The following WDR41 variants were observed in gnomAD, a reference collection of about 807,000 sequenced individuals.
WDR41 encodes WD repeat domain 41.
A neutral mutation model predicts 69.3 loss-of-function variants in WDR41; 63 were observed. The ratio of observed to expected loss-of-function variants is 0.91; its 90% confidence interval spans 0.74 to 1.12. The LOEUF (loss-of-function observed/expected upper bound fraction) is 1.12, where lower values mean the gene tolerates loss of function less well. WDR41 is among the 50% of genes most tolerant of loss of function. The probability of loss-of-function intolerance (pLI) is 0.00; values close to 1 mark genes in which losing one functional copy is unlikely to be tolerated. For missense variants in WDR41, 543 were observed against 534.5 expected, an observed-to-expected ratio of 1.02 and a Z score of -0.16; for synonymous variants, 185 against 192.1, an observed-to-expected ratio of 0.96 and a Z score of 0.31.
chr5:77,488,408 C>T (rs1379331710), intron 2 of WDR41, among the ~76,000 whole-genome samples: 2 of 151,360 alleles, frequency 1.3e-5, no homozygotes, highest in African/African-American at 4.9e-5. Flanking sequence ...GCCCACCAGC[C>T]TGGGCAACAT....
intron 9 of WDR41, among the ~76,000 whole-genome samples, chr5:77,440,348 C>A (rs1247194853): frequency 6.6e-6 from 1 of 152,154 alleles, no homozygotes; most frequent in African/African-American, 2.4e-5. Context: ...ATCTAAAGTG[C>A]TTCAAGAGCA....
intron 2 of WDR41, among the ~76,000 whole-genome samples, chr5:77,482,977 G>T (rs1801347895): frequency 6.6e-6 from 1 of 151,798 alleles, no homozygotes; most frequent in South Asian, 2.1e-4. Flanking sequence ...GGCACCAAGA[G>T]TTTACACAAA....
rs181956313 is a variant in WDR41 at position 77,550,890 on chromosome 5, A to G, written c.43-61318T>C. On this transcript the variant is annotated intron_variant, in intron 1 of 5. Transcript: ENST00000509971. Reference sequence around the variant, plus strand: ...AAATATAGTACATGTATACCATGGAATACTATGCAGCCATATAAAGGAATA... The same window carrying G: ...AAATATAGTACATGTATACCATGGAGTACTATGCAGCCATATAAAGGAATA... 1.5e-3 allele frequency among the ~76,000 whole-genome samples: 222 copies of G among 152,332 alleles called. 3 individuals are homozygous for G. Among genetic ancestry groups the G allele is most frequent in the African/African-American group, 5.2e-3 (218 of 41,576 alleles).
chr5:77,532,459 A>G (rs1252733654), intron 1 of WDR41, among the ~76,000 whole-genome samples: 1 of 152,144 alleles, frequency 6.6e-6, no homozygotes, highest in Admixed American at 6.6e-5. Context: ...TATATATCCA[A>G]CATAAACGAG....
Position 77,492,175 on chromosome 5 carries a change from C to G in WDR41, c.46G>C (p.Ala16Pro). Residue 16 changes from alanine (A) to proline (P), a missense_variant, in exon 1 of 13, where the codon GCC becomes CCC. Transcript: ENST00000296679. Reference sequence around the variant, plus strand: ...CAGACCCACCCGGGGTTTACCTCGGCCAGTCCCTGCGGTTCTCGGCCTCCC... The same window carrying G: ...CAGACCCACCCGGGGTTTACCTCGGGCAGTCCCTGCGGTTCTCGGCCTCCC... ...IGGGREPQGL[A>P]EKSPLQTIGE... The G allele has an allele frequency of 2.5e-6, 4 of 1,612,088 alleles. No individual in the cohort carries two copies. Among genetic ancestry groups the G allele is most frequent in the South Asian group, 1.1e-5 (1 of 90,572 alleles).
chr5:77,457,338 T>C (rs1202785056), intron 5 of WDR41, among the ~76,000 whole-genome samples: 1 of 152,202 alleles, frequency 6.6e-6, no homozygotes, highest in African/African-American at 2.4e-5. Context: ...TTTTTGTTAC[T>C]TAACATTTTA....
intron 1 of WDR41, among the ~76,000 whole-genome samples, chr5:77,554,557 C>T (rs879292399): frequency 6.6e-6 from 1 of 151,678 alleles, no homozygotes; most frequent in Non-Finnish European, 1.5e-5. Context: ...GTATTGATCT[C>T]GGACTTCCCA....
chr5:77,477,662 C>A lies in WDR41; in HGVS notation c.167+11795G>T, dbSNP rs1801008432. Among the ~76,000 whole-genome samples, 3 of 85,678 alleles carry A rather than the reference C, an allele frequency of 3.5e-5. 1 individual carries two copies. Among genetic ancestry groups the A allele is most frequent in the Admixed American group, 1.3e-4 (1 of 7,670 alleles). 56.2% of individuals were successfully genotyped at this position (85,678 alleles called of 152,430 possible). On this transcript the variant is annotated intron_variant, in intron 2 of 12. Transcript: ENST00000296679. ...ACACAACATATCAGAATCTCTGGGA[C>A]ACATTCAAAGCAGTGTGTAGAGGGA...
intron 1 of WDR41, among the ~76,000 whole-genome samples, chr5:77,577,761 C>T (rs150079742): frequency 2.4e-4 from 37 of 152,262 alleles, no homozygotes; most frequent in African/African-American, 8.7e-4. Context: ...CAAACACTGA[C>T]CTCAGAAACT....
intron 3 of WDR41, 45 bp from the exon 4 acceptor site, chr5:77,463,271 T>C (rs1489612747): frequency 1.3e-6 from 2 of 1,553,098 alleles, no homozygotes; most frequent in Non-Finnish European, 1.7e-6. Context: ...TTTCACAATT[T>C]AGATAATCAT....
At chr5:77,570,008 A>T (rs1031290393) in intron 1 of WDR41, among the ~76,000 whole-genome samples, 1 of 152,184 alleles carries the variant, frequency 6.6e-6, no homozygotes, top group African/African-American at 2.4e-5. Context: ...ATAAACTGGT[A>T]TTTAGTCATG....
intron 4 of WDR41, 33 bp downstream of exon 4, chr5:77,463,041 TAGTGGCTCCTTAGGCCACTAC>T: frequency 6.3e-7 from 1 of 1,585,388 alleles, no homozygotes; most frequent in Non-Finnish European, 8.6e-7. Context: ...ATAGTGTATG[TAGTGGCTCCTTAGGCCACTAC>T]AGCTTGTTCA....
At chr5:77,567,692 A>G (rs977657453) in intron 1 of WDR41, among the ~76,000 whole-genome samples, 1 of 151,710 alleles carries the variant, frequency 6.6e-6, no homozygotes, top group Non-Finnish European at 1.5e-5. Flanking sequence ...AAATTAAAAC[A>G]TGGAACCAAT....
chr5:77,533,794 A>G (rs1742909015), intron 1 of WDR41, among the ~76,000 whole-genome samples: 1 of 152,084 alleles, frequency 6.6e-6, no homozygotes, highest in African/African-American at 2.4e-5. Context: ...GGGCCCCTTC[A>G]TATCCTTAAA....
At chr5:77,514,212 T>C (rs1476847399) in intron 1 of WDR41, among the ~76,000 whole-genome samples, 1 of 152,202 alleles carries the variant, frequency 6.6e-6, no homozygotes, top group Non-Finnish European at 1.5e-5. Context: ...TTTTTTTTTC[T>C]GTACACCTAC....
In WDR41 at chr5:77,464,051, A is replaced by T. The variant is rs115496337; in HGVS notation, c.216+710T>A. Among the ~76,000 whole-genome samples, 1,367 of 152,244 alleles carry T rather than the reference A, an allele frequency of 9.0e-3. 24 individuals are homozygous for T. The highest frequency in any genetic ancestry group is 0.029 in the African/African-American group (1,224 of 41,548). On this transcript the variant is annotated intron_variant, in intron 3 of 12. Coordinates refer to ENST00000296679, the MANE Select transcript of WDR41 (RefSeq NM_018268.4). Reference sequence around the variant, plus strand: ...GAAGCCTTAAGTATTTATTTAAAAAAAAAAGGCTTTTGTAATATTAAGTCA... The same window carrying T: ...GAAGCCTTAAGTATTTATTTAAAAATAAAAGGCTTTTGTAATATTAAGTCA...
chr5:77,524,482 C>A (rs1802417561), intron 1 of WDR41, among the ~76,000 whole-genome samples: 1 of 152,094 alleles, frequency 6.6e-6, no homozygotes, highest in Non-Finnish European at 1.5e-5. Context: ...GTCTTAGCTA[C>A]TTGGGAGGCT....
intron 1 of WDR41, among the ~76,000 whole-genome samples, chr5:77,608,200 T>C (rs976149009): frequency 2.6e-5 from 4 of 152,238 alleles, no homozygotes; most frequent in Non-Finnish European, 5.9e-5. Flanking sequence ...ACCTATTTCA[T>C]ACAGCAGAAT....
At chr5:77,524,690 C>A (rs1363693402) in intron 1 of WDR41, among the ~76,000 whole-genome samples, 1 of 152,072 alleles carries the variant, frequency 6.6e-6, no homozygotes, top group African/African-American at 2.4e-5. Context: ...TTTTCCTCAA[C>A]TCCATAGCTC....
Sources: allele counts gnomAD v4.1 joint callset (sites outside exome capture counted in the v4.1 genomes callset), GRCh38; gene constraint gnomAD v4.1.1; transcripts MANE v1.5; gene names NCBI Gene and HGNC (gene_info 2026-07-23, HGNC 2026-07-21).